KATNA1: variants seen among roughly 807,000 people sequenced by gnomAD.
KATNA1 encodes the protein katanin p60 ATPase-containing subunit A1.
Under a neutral mutation model 62.6 loss-of-function variants are expected in KATNA1, and 42 were observed. That is an observed-to-expected ratio of 0.67 (90% CI 0.52 to 0.87). The LOEUF (loss-of-function observed/expected upper bound fraction) is 0.87. Among genes scored for constraint, KATNA1 ranks in the 40% least tolerant of loss-of-function variants. The probability of loss-of-function intolerance (pLI) is 0.00; values close to 1 mark genes in which losing one functional copy is unlikely to be tolerated. For missense variants in KATNA1, 498 were observed against 612.5 expected, an observed-to-expected ratio of 0.81 and a Z score of 1.97; for synonymous variants, 186 against 201.9, an observed-to-expected ratio of 0.92 and a Z score of 0.67.
chr6:149,600,770 TAAAA>T (rs386408910), intron 7 of KATNA1, among the ~76,000 whole-genome samples: 1 of 108,374 alleles, frequency 9.2e-6, no homozygotes, highest in Non-Finnish European at 1.8e-5. Context: ...ACCCCATCTG[TAAAA>T]AAAAAAAAAA....
intron 10 of KATNA1, among the ~76,000 whole-genome samples, chr6:149,596,656 C>T (rs1778325378): frequency 6.6e-6 from 1 of 152,092 alleles, no homozygotes; most frequent in Non-Finnish European, 1.5e-5. Context: ...TCACTGCAGC[C>T]TCAAACTCCT....
At chr6:149,627,592 AGAATT>A (rs1364587832) in intron 3 of KATNA1, among the ~76,000 whole-genome samples, 1 of 151,342 alleles carries the variant, frequency 6.6e-6, no homozygotes, top group African/African-American at 2.4e-5. Flanking sequence ...CTGAGGCATT[AGAATT>A]GCCTGGACCC....
intron 1 of KATNA1, 147 bp from the exon 2 acceptor site, chr6:149,638,707 T>C (rs1297026387): frequency 6.8e-6 from 3 of 444,072 alleles, no homozygotes; most frequent in East Asian, 6.9e-5. Flanking sequence ...CTCATGCTAT[T>C]TCACTCCTTT....
chr6:149,646,581 G>A (rs778446217), intron 1 of KATNA1, among the ~76,000 whole-genome samples: 3 of 152,046 alleles, frequency 2.0e-5, no homozygotes, highest in Non-Finnish European at 2.9e-5. Context: ...TTACAGCATG[G>A]CATACATTTT....
chr6:149,609,431 T>C (rs573053647), intron 4 of KATNA1, among the ~76,000 whole-genome samples: 65 of 152,196 alleles, frequency 4.3e-4, no homozygotes, highest in Non-Finnish European at 2.9e-5. Flanking sequence ...CCCACGCCTA[T>C]AATCTTAGCA....
At chr6:149,622,137 T>G (rs1779422872) in intron 4 of KATNA1, among the ~76,000 whole-genome samples, 2 of 151,914 alleles carry the variant, frequency 1.3e-5, no homozygotes, top group African/African-American at 2.4e-5. Context: ...TTTTTGTTTT[T>G]TTTTTTTTTC....
rs750305644 is a variant in KATNA1 at position 149,598,325 on chromosome 6, A to G, written c.914T>C (p.Ile305Thr). The change falls in exon 8 of 11, where the codon ATA (isoleucine) becomes ACA (threonine). Residue 305 changes from isoleucine to threonine, a missense_variant. Coordinates refer to ENST00000367411, the MANE Select transcript of KATNA1 (RefSeq NM_007044.4). ...GATGGAGTCTATCTCATCAATAAAT[A>G]TGGTGGCTGGAGAATAAAATCGAGC... ...EMARFYSPATIFIDEIDSICS... is the reference protein window; with the variant it reads ...EMARFYSPATTFIDEIDSICS... The G allele has an allele frequency of 1.9e-6, 3 of 1,613,964 alleles. No homozygotes were observed. Among genetic ancestry groups the G allele is most frequent in the Non-Finnish European group, 2.5e-6 (3 of 1,179,896 alleles).
At chr6:149,626,534 G>A (rs2114587687) in intron 3 of KATNA1, among the ~76,000 whole-genome samples, 1 of 148,368 alleles carries the variant, frequency 6.7e-6, no homozygotes, top group South Asian at 2.1e-4. Flanking sequence ...CGCCCGCCTC[G>A]GCCTCCCAAA....
intron 1 of KATNA1, among the ~76,000 whole-genome samples, chr6:149,639,065 T>G (rs1780186005): frequency 6.6e-6 from 1 of 151,794 alleles, no homozygotes; most frequent in South Asian, 2.1e-4. Flanking sequence ...TTTAGGAGGC[T>G]AAGGCAGGCA....
At chr6:149,642,560 G>A (rs1780334759) in intron 1 of KATNA1, among the ~76,000 whole-genome samples, 1 of 152,074 alleles carries the variant, frequency 6.6e-6, no homozygotes, top group Non-Finnish European at 1.5e-5. Context: ...GGGGAAATAT[G>A]GTGGATACAG....
intron 2 of KATNA1, among the ~76,000 whole-genome samples, chr6:149,637,924 G>T (rs9688861): frequency 0.46 from 69,724 of 151,834 alleles, 17,275 homozygotes; most frequent in East Asian, 0.81. Flanking sequence ...ATAATAAAGT[G>T]TCAAGTAATA....
intron 10 of KATNA1, among the ~76,000 whole-genome samples, chr6:149,596,534 C>CA (rs973695493): frequency 1.2e-4 from 18 of 151,094 alleles, no homozygotes; most frequent in Admixed American, 3.3e-4. Flanking sequence ...GACTCCGTCT[C>CA]AAAAAACAAA....
intron 7 of KATNA1, among the ~76,000 whole-genome samples, chr6:149,601,317 CAT>C (rs1778535266): frequency 6.6e-6 from 1 of 152,142 alleles, no homozygotes; most frequent in African/African-American, 2.4e-5. Flanking sequence ...ATTTAAAAAA[CAT>C]AATTTCAGAT....
At chr6:149,642,629 G>A (rs1203237038) in intron 1 of KATNA1, among the ~76,000 whole-genome samples, 1 of 152,062 alleles carries the variant, frequency 6.6e-6, no homozygotes, top group African/African-American at 2.4e-5. Context: ...ATAGCAACAT[G>A]GATGGATCAT....
chr6:149,614,225 C>T (rs533315760), intron 4 of KATNA1, among the ~76,000 whole-genome samples: 79 of 152,162 alleles, frequency 5.2e-4, no homozygotes, highest in Non-Finnish European at 9.7e-4. Flanking sequence ...ACCCTGTCCT[C>T]CAAAAACTAG....
At chr6:149,607,714 T>A (rs1454741295) in intron 4 of KATNA1, among the ~76,000 whole-genome samples, 1 of 152,192 alleles carries the variant, frequency 6.6e-6, no homozygotes, top group Non-Finnish European at 1.5e-5. Flanking sequence ...CCTTTTTTCA[T>A]GCTCAAAATA....
At chr6:149,628,714 G>A (rs1312212194) in intron 3 of KATNA1, among the ~76,000 whole-genome samples, 1 of 151,790 alleles carries the variant, frequency 6.6e-6, no homozygotes, top group Admixed American at 6.6e-5. Flanking sequence ...CAGCTACATG[G>A]GAGGCTGAGG....
Position 149,604,758 on chromosome 6 carries a change from C to G in KATNA1, c.526G>C (p.Glu176Gln). 1.2e-6 allele frequency: 2 copies of G among 1,613,582 alleles called. No homozygotes were observed. Among genetic ancestry groups the G allele is most frequent in the Non-Finnish European group, 1.7e-6 (2 of 1,179,540 alleles). The change falls in exon 5 of 11, where the codon GAA becomes CAA. Residue 176 changes from glutamate to glutamine, a missense_variant. Around this residue, in one of 3 missense-constraint regions of KATNA1, gnomAD observed 203 missense variants for 198.4 expected, o/e 1.02. Coordinates refer to ENST00000367411, the MANE Select transcript of KATNA1 (RefSeq NM_007044.4). ...CTATCAAATTTATTTGTCTCTGGTTCTGTTACTGCAGCAGGTGATTTGTTC... is the reference window on the plus strand; with the variant it reads ...CTATCAAATTTATTTGTCTCTGGTTGTGTTACTGCAGCAGGTGATTTGTTC... ...EKNKSPAAVT[E>Q]PETNKFDSTG... is the part of the protein sequence containing the mutation.
intron 4 of KATNA1, among the ~76,000 whole-genome samples, chr6:149,616,611 G>A (rs1303889212): frequency 2.6e-5 from 4 of 152,008 alleles, no homozygotes; most frequent in South Asian, 2.1e-4. Context: ...AAAATTAGTC[G>A]GGCCTGGTGG....
Sources: allele counts gnomAD v4.1 joint callset (sites outside exome capture counted in the v4.1 genomes callset), GRCh38; gene constraint gnomAD v4.1.1; regional missense constraint gnomAD v4.1.1; transcripts MANE v1.5; gene names NCBI Gene and HGNC (gene_info 2026-07-23, HGNC 2026-07-21).